Variants in SNX18 observed in about 807,000 individuals in gnomAD.
The protein encoded by SNX18 is sorting nexin-18.
Under a neutral mutation model 48.7 loss-of-function variants are expected in SNX18, and 35 were observed. That is an observed-to-expected ratio of 0.72 (90% CI 0.55 to 0.95). The LOEUF is 0.95. SNX18 is among the 40% of genes least tolerant of loss of function. SNX18 has a pLI of 0.00. For missense variants in SNX18, 824 were observed against 871.0 expected (o/e 0.95, Z 0.68); for synonymous variants, 492 against 384.7 (o/e 1.28, Z -3.26).
intron 1 of SNX18, among the ~76,000 whole-genome samples, chr5:54,535,724 CTT>C (rs1762340829): frequency 6.6e-6 from 1 of 152,284 alleles, no homozygotes; most frequent in Admixed American, 6.5e-5. Flanking sequence ...AGCTCACCCT[CTT>C]GTTTGTAGAA....
chr5:54,589,512 G>A, the SNX18 span, among the ~76,000 whole-genome samples: 2 of 152,222 alleles, frequency 1.3e-5, no homozygotes, highest in Non-Finnish European at 2.9e-5. Context: ...ACGATAGGTT[G>A]AGTCCTCTAA....
intron 1 of SNX18, among the ~76,000 whole-genome samples, chr5:54,528,363 T>G (rs1344552047): frequency 6.6e-6 from 1 of 152,164 alleles, no homozygotes; most frequent in African/African-American, 2.4e-5. Context: ...GTAGAATGTG[T>G]GCACAGAGGA....
chr5:54,558,724 G>T, the SNX18 span, among the ~76,000 whole-genome samples: 5,834 of 152,182 alleles, frequency 0.038, 190 homozygotes, highest in Middle Eastern at 0.095. Context: ...TTATACTTAG[G>T]CTCCTTAAAT....
chr5:54,520,513 C>CAGGGAAACCTACTCCTGAGG (rs1762004627), intron 1 of SNX18: 1 of 166,970 alleles, frequency 6.0e-6, no homozygotes, highest in East Asian at 1.9e-4. Flanking sequence ...GGCGGCTGGG[C>CAGGGAAACCTACTCCTGAGG]AGGGAAACCT....
the SNX18 span, among the ~76,000 whole-genome samples, chr5:54,605,682 C>T: frequency 6.6e-6 from 1 of 151,992 alleles, no homozygotes; most frequent in African/African-American, 2.4e-5. Flanking sequence ...ATTTTTGAGG[C>T]AGGGTCTTGC....
At chr5:54,563,320 G>C in the SNX18 span, among the ~76,000 whole-genome samples, 1 of 152,106 alleles carries the variant, frequency 6.6e-6, no homozygotes, top group Admixed American at 6.5e-5. Context: ...AGTCCTACAA[G>C]CTCTGTTCAT....
chr5:54,539,074 G>T (rs750176083), intron 1 of SNX18, among the ~76,000 whole-genome samples: 2 of 151,820 alleles, frequency 1.3e-5, no homozygotes, highest in Non-Finnish European at 2.9e-5. Flanking sequence ...ACTTTATTAC[G>T]CAGGCTGGAG....
At chr5:54,578,620 C>T in the SNX18 span, among the ~76,000 whole-genome samples, 1 of 152,214 alleles carries the variant, frequency 6.6e-6, no homozygotes, top group Non-Finnish European at 1.5e-5. Context: ...ATTAGTTGTA[C>T]AGCAGCAGTG....
chr5:54,526,566 G>T (rs1233747725), intron 1 of SNX18, among the ~76,000 whole-genome samples: 1 of 152,144 alleles, frequency 6.6e-6, no homozygotes, highest in East Asian at 1.9e-4. Context: ...GACAGTGAAG[G>T]AAGGGGAGAT....
chr5:54,642,156 A>G, the SNX18 span, among the ~76,000 whole-genome samples: 4 of 152,174 alleles, frequency 2.6e-5, no homozygotes, highest in Admixed American at 6.5e-5. Context: ...GGTCTGAGAG[A>G]AGGAGGCTGG....
At chr5:54,603,944 A>G in the SNX18 span, among the ~76,000 whole-genome samples, 5 of 152,224 alleles carry the variant, frequency 3.3e-5, no homozygotes, top group Non-Finnish European at 1.5e-5. Flanking sequence ...TAAGAAGAAC[A>G]AAGTGGAAAG....
In SNX18 at chr5:54,518,054, C is replaced by T. The variant is rs1761903780; in HGVS notation, c.102C>T (p.Asp34=). 2 of 1,546,620 alleles carry T rather than the reference C, an allele frequency of 1.3e-6. No homozygotes were observed. Among genetic ancestry groups the T allele is most frequent in the African/African-American group, 1.4e-5 (1 of 70,532 alleles). Residue 34 remains aspartate (D), a synonymous_variant, in exon 1 of 2, where the codon GAC becomes GAT. Transcript: ENST00000381410. Reference sequence around the variant, plus strand: ...TGCTGAGCCTGTGCAGCGAGCAGGACATCGAGGGCTGGCTCGAGGGGGTCA... The same window carrying T: ...TGCTGAGCCTGTGCAGCGAGCAGGATATCGAGGGCTGGCTCGAGGGGGTCA... ...HEVLSLCSEQ[D]IEGWLEGVNS... is the part of the protein sequence containing the mutation.
chr5:54,550,477 A>G (rs964944637), downstream of SNX18, among the ~76,000 whole-genome samples: 8 of 152,198 alleles, frequency 5.3e-5, no homozygotes, highest in East Asian at 1.3e-3. Context: ...TCATATACCA[A>G]TACAGAATTT....
At chr5:54,590,748 A>G in the SNX18 span, among the ~76,000 whole-genome samples, 2 of 152,140 alleles carry the variant, frequency 1.3e-5, no homozygotes, top group Middle Eastern at 3.2e-3. Flanking sequence ...CTTTTTTCTC[A>G]GACAGTCCCC....
At chr5:54,567,477 G>A in the SNX18 span, among the ~76,000 whole-genome samples, 1 of 152,092 alleles carries the variant, frequency 6.6e-6, no homozygotes, top group South Asian at 2.1e-4. Context: ...AACAGGCTGT[G>A]GGTATTGTAG....
At chr5:54,539,151 GTAGC>G (rs920688875) in intron 1 of SNX18, among the ~76,000 whole-genome samples, 1 of 152,150 alleles carries the variant, frequency 6.6e-6, no homozygotes, top group African/African-American at 2.4e-5. Context: ...AGCCTCCTGA[GTAGC>G]TGGGAGTACA....
intron 1 of SNX18, among the ~76,000 whole-genome samples, chr5:54,527,849 A>G (rs73130561): frequency 0.017 from 2,516 of 152,324 alleles, 81 homozygotes; most frequent in African/African-American, 0.055. Flanking sequence ...ATCTTGAAAT[A>G]GATTTATAAG....
chr5:54,642,386 T>C, the SNX18 span, among the ~76,000 whole-genome samples: 2 of 152,118 alleles, frequency 1.3e-5, no homozygotes, highest in Non-Finnish European at 2.9e-5. Flanking sequence ...TGTTGGGTTT[T>C]TTTTTTTTGC....
chr5:54,603,868 A>G, the SNX18 span, among the ~76,000 whole-genome samples: 1 of 152,238 alleles, frequency 6.6e-6, no homozygotes, highest in Non-Finnish European at 1.5e-5. Context: ...TATGTGCTAA[A>G]TGCTATGGTT....
Sources: allele counts gnomAD v4.1 joint callset (sites outside exome capture counted in the v4.1 genomes callset), GRCh38; gene constraint gnomAD v4.1.1; transcripts MANE v1.5; gene names NCBI Gene and HGNC (gene_info 2026-07-23, HGNC 2026-07-21).